Variants in HMCN2 observed in about 807,000 individuals in gnomAD.
HMCN2 encodes hemicentin-2.
Under a neutral mutation model 377.5 loss-of-function variants are expected in HMCN2, and 325 were observed. That is an observed-to-expected ratio of 0.86 (90% CI 0.79 to 0.94). The LOEUF is 0.94. HMCN2 is among the 40% of genes least tolerant of loss of function. The probability of loss-of-function intolerance (pLI) is 0.00; values close to 1 mark genes in which losing one functional copy is unlikely to be tolerated. For synonymous variants in HMCN2, 2,007 were observed against 2,046.8 expected, an observed-to-expected ratio of 0.98 and a Z score of 0.53; for missense variants, 4,543 against 4,725.3, an observed-to-expected ratio of 0.96 and a Z score of 1.13.
intron 86 of HMCN2, among the ~76,000 whole-genome samples, chr9:130,420,470 AAAAACAAAACAAAAC>A (rs539753745): frequency 6.6e-6 from 1 of 152,116 alleles, no homozygotes; most frequent in Non-Finnish European, 1.5e-5. Flanking sequence ...CTACTGGTAA[AAAAACAAAACAAAAC>A]AAAACAAAAC....
intron 15 of HMCN2, 24 bp downstream of exon 15, chr9:130,310,085 C>T: frequency 2.0e-6 from 1 of 503,260 alleles, no homozygotes; most frequent in South Asian, 1.5e-5. Flanking sequence ...TTGTCTCCCC[C>T]TCCCCTGCCC....
chr9:130,381,746 C>G (rs912686967), intron 54 of HMCN2, among the ~76,000 whole-genome samples: 1 of 152,102 alleles, frequency 6.6e-6, no homozygotes, highest in Admixed American at 6.5e-5. Flanking sequence ...CTTCTACCCC[C>G]GCCAACCACC....
intron 22 of HMCN2, among the ~76,000 whole-genome samples, chr9:130,331,547 C>T: frequency 6.6e-6 from 1 of 151,584 alleles, no homozygotes; most frequent in Non-Finnish European, 1.5e-5. Flanking sequence ...TGGCAGAAGA[C>T]CTGGGGTCCC....
intron 11 of HMCN2, among the ~76,000 whole-genome samples, chr9:130,305,884 A>G (rs1259728532): frequency 3.9e-5 from 6 of 152,198 alleles, no homozygotes; most frequent in African/African-American, 1.4e-4. Context: ...CTAGGAGCAC[A>G]GGGCTCCGGG....
intron 85 of HMCN2, among the ~76,000 whole-genome samples, chr9:130,417,783 CTG>C (rs1164516650): frequency 2.6e-5 from 4 of 152,184 alleles, no homozygotes; most frequent in Non-Finnish European, 4.4e-5. Flanking sequence ...ACAGTTTCTC[CTG>C]TGTTTCTGCA....
At position 130,265,815 on chromosome 9, in the gene HMCN2, G is replaced by C. The variant is rs1405896235; in HGVS notation, c.-64G>C. On this transcript the variant is annotated 5_prime_UTR_variant, in exon 1 of 98. Coordinates refer to ENST00000683500, the MANE Select transcript of HMCN2 (RefSeq NM_001291815.2). The stretch of plus-strand genomic sequence containing the variant: ...CTGCCTGCAGCCGCCGTGTGCACCG[G>C]GGCGGCCGGCTAGCTCCGACCTGCG... 2.1e-5 allele frequency: 6 copies of C among 287,808 alleles called. No individual in the cohort carries two copies. The highest frequency in any genetic ancestry group is 4.0e-5 in the Non-Finnish European group (6 of 148,642). The allele number at this position is 287,808 out of a possible 1,614,324, so 17.8% of individuals were successfully genotyped here.
In HMCN2 at chr9:130,278,860, C is replaced by T. The variant is rs571326512; in HGVS notation, c.260-5743C>T. 6.6e-5 allele frequency among the ~76,000 whole-genome samples: 10 copies of T among 150,842 alleles called. No individual in the cohort carries two copies. The South Asian group carries it at 1.3e-3, about 19-fold the overall frequency. On this transcript the variant is annotated intron_variant, in intron 1 of 97. Transcript: ENST00000683500. ...CTTCCCAAAGTGCTGGGATTACAGGCGTGAGCCACCTCACCCAGCCTGAGA... is the reference window on the plus strand; with the variant it reads ...CTTCCCAAAGTGCTGGGATTACAGGTGTGAGCCACCTCACCCAGCCTGAGA...
intron 25 of HMCN2, among the ~76,000 whole-genome samples, chr9:130,344,750 GTGTA>G (rs1317383256): frequency 6.7e-6 from 1 of 149,030 alleles, no homozygotes; most frequent in Non-Finnish European, 1.5e-5. Flanking sequence ...GTGTGTGTGT[GTGTA>G]TGGTGTTTTG....
intron 45 of HMCN2, among the ~76,000 whole-genome samples, chr9:130,370,415 T>G (rs1840951251): frequency 6.8e-6 from 1 of 147,630 alleles, no homozygotes. Flanking sequence ...AGACAGGGAG[T>G]GGTAAGAGAT....
At chr9:130,396,657 G>A (rs973444048) in intron 73 of HMCN2, among the ~76,000 whole-genome samples, 1 of 151,786 alleles carries the variant, frequency 6.6e-6, no homozygotes, top group East Asian at 1.9e-4. Flanking sequence ...TGACAACCCC[G>A]TGGCCCCCAG....
Position 130,295,759 on chromosome 9 carries a change from T to A in HMCN2, c.878T>A (p.Leu293Gln), listed in dbSNP as rs782028158. The A allele has an allele frequency of 2.3e-5, 11 of 470,992 alleles. No individual in the cohort carries two copies. Among genetic ancestry groups the A allele is most frequent in the South Asian group, 1.7e-4 (11 of 64,550 alleles). 29.2% of individuals were successfully genotyped at this position (470,992 alleles called of 1,614,324 possible). The change falls in exon 6 of 98, where the codon CTG (leucine) becomes CAG (glutamine). Residue 293 changes from leucine (L) to glutamine (Q), a missense_variant. This residue lies in a region of HMCN2 where 547 missense variants were observed against 189.9 expected (regional missense o/e 2.88). Coordinates refer to ENST00000683500, the MANE Select transcript of HMCN2 (RefSeq NM_001291815.2). ...GCCTTTAAGCCTGAGCATCCGGGGC[T>A]GTGGTCCATCAAGGTAGGGGCACTG... ...VVAFKPEHPG[L>Q]WSIKVYSSGR...
At chr9:130,419,099 G>A (rs1365631035) in intron 86 of HMCN2, 58 bp downstream of exon 86, 2 of 1,429,028 alleles carry the variant, frequency 1.4e-6, no homozygotes, top group Non-Finnish European at 1.8e-6. Context: ...TTGCCGATGG[G>A]GATTGTGTGG....
At position 130,425,079 on chromosome 9, in the gene HMCN2, G is replaced by C. The variant is rs1216517155; in HGVS notation, c.13590G>C (p.Val4530=). ...DPDGLLLLDV[V]VNGVVPESLA... is the part of the protein sequence containing the mutation. Reference sequence around the variant, plus strand: ...ATGGCCTCCTGCTCCTCGACGTGGTGGTCAATGGCGTTGTCCCCGAGAGCC... The same window carrying C: ...ATGGCCTCCTGCTCCTCGACGTGGTCGTCAATGGCGTTGTCCCCGAGAGCC... The change falls in exon 89 of 98, where the codon GTG becomes GTC. Residue 4530 remains valine, a synonymous_variant. Transcript: ENST00000683500. 1.3e-6 allele frequency: 2 copies of C among 1,550,110 alleles called. No homozygotes were observed. The highest frequency in any genetic ancestry group is 1.7e-6 in the Non-Finnish European group (2 of 1,146,878).
intron 90 of HMCN2, among the ~76,000 whole-genome samples, 171 bp downstream of exon 90, chr9:130,426,095 C>G (rs1057072837): frequency 6.6e-5 from 10 of 152,192 alleles, no homozygotes; most frequent in Admixed American, 2.6e-4. Flanking sequence ...GTCCCCACTC[C>G]CATCCATCCA....
At chr9:130,354,078 T>G (rs1458966716) in intron 31 of HMCN2, among the ~76,000 whole-genome samples, 1 of 152,090 alleles carries the variant, frequency 6.6e-6, no homozygotes. Flanking sequence ...GGAAATGAAA[T>G]AGAAAATGTG....
chr9:130,372,476 C>A, intron 47 of HMCN2, 69 bp downstream of exon 47: 1 of 486,898 alleles, frequency 2.1e-6, no homozygotes. Flanking sequence ...CTCCCAGAGG[C>A]AGGTCCCCAG....
Position 130,396,014 on chromosome 9 carries a change from G to A in HMCN2, c.11002G>A (p.Ala3668Thr), listed in dbSNP as rs567888506. 2 of 1,287,440 alleles carry A rather than the reference G, an allele frequency of 1.6e-6. No homozygotes were observed. The highest frequency in any genetic ancestry group is 2.5e-5 in the South Asian group (2 of 80,914). The allele number at this position is 1,287,440 out of a possible 1,614,324, so 79.8% of individuals were successfully genotyped here. A position where few individuals can be genotyped will look rare whatever the true frequency, so the allele number is the denominator to read the frequency against. Reference sequence around the variant, plus strand: ...TGACAGCGGCGACTACAGCTGCACAGCCCGCAACGCCGCAGGCAGCACTAG... The same window carrying A: ...TGACAGCGGCGACTACAGCTGCACAACCCGCAACGCCGCAGGCAGCACTAG... ...TADSGDYSCT[A>T]RNAAGSTSVA... is the part of the protein sequence containing the mutation. The change falls in exon 72 of 98, where the codon GCC becomes ACC. Residue 3668 changes from alanine (A) to threonine (T), a missense_variant. Physicochemically the swap from Ala to Thr is moderately conservative, Grantham distance 58. Coordinates refer to ENST00000683500, the MANE Select transcript of HMCN2 (RefSeq NM_001291815.2).
rs961728541 is a variant in HMCN2, at chr9:130,382,258, G to A, written c.8506G>A (p.Val2836Met). The A allele has an allele frequency of 5.1e-6, 5 of 985,796 alleles. No individual in the cohort carries two copies. The African/African-American group carries it at 8.7e-5, about 17-fold the overall frequency. 61.1% of individuals were successfully genotyped at this position (985,796 alleles called of 1,614,324 possible). The change falls in exon 55 of 98, where the codon GTG becomes ATG. Residue 2836 changes from valine (V) to methionine (M), a missense_variant. Around this residue, in one of 5 missense-constraint regions of HMCN2, gnomAD observed 736 missense variants for 773.2 expected, o/e 0.95. Transcript: ENST00000683500. ...GTACTCGTGCAAGGCCTCCAACGAG[G>A]TGGGCGAGGACTGGCTGCACTACGA... is the stretch of plus-strand genomic sequence containing the variant. ...GRYSCKASNE[V>M]GEDWLHYELL...
At position 130,433,773 on chromosome 9, in the gene HMCN2, T is replaced by C. The variant is rs988887698; in HGVS notation, c.*80T>C. The C allele has an allele frequency of 1.3e-5, 15 of 1,158,116 alleles. No individual in the cohort carries two copies. In the South Asian group the frequency reaches 2.5e-4, roughly 19 times the overall value. 71.7% of individuals were successfully genotyped at this position (1,158,116 alleles called of 1,614,324 possible). ...GAGAAGCTTGGTCCACGCCACCTGCTGTGGCAAGCGGAGCGTCATCGTCTC... is the reference window on the plus strand; with the variant it reads ...GAGAAGCTTGGTCCACGCCACCTGCCGTGGCAAGCGGAGCGTCATCGTCTC... On this transcript the variant is annotated 3_prime_UTR_variant, in exon 98 of 98. Transcript: ENST00000683500.
Sources: allele counts gnomAD v4.1 joint callset (sites outside exome capture counted in the v4.1 genomes callset), GRCh38; gene constraint gnomAD v4.1.1; regional missense constraint gnomAD v4.1.1; transcripts MANE v1.5; gene names NCBI Gene and HGNC (gene_info 2026-07-23, HGNC 2026-07-21).